Variants in CYP3A5 observed in about 807,000 individuals in gnomAD.
CYP3A5 encodes cytochrome P450 family 3 subfamily A member 5.
CYP3A5 carries 51 observed loss-of-function variants against 55.9 expected under a neutral mutation model. The observed-to-expected ratio is 0.91, with a 90% CI of 0.73 to 1.15. The LOEUF (loss-of-function observed/expected upper bound fraction) is 1.15, where lower values mean the gene tolerates loss of function less well. CYP3A5 is among the 50% of genes most tolerant of loss of function. The pLI, the probability that CYP3A5 is intolerant of heterozygous loss-of-function variation, is 0.00. For missense variants in CYP3A5, 533 were observed against 596.6 expected (o/e 0.89, Z 1.11); for synonymous variants, 196 against 213.9 (o/e 0.92, Z 0.73).
chr7:99,679,990 G>T lies in CYP3A5; in HGVS notation c.-94C>A. On this transcript the variant is annotated 5_prime_UTR_variant, in exon 1 of 13. Coordinates refer to ENST00000222982, the MANE Select transcript of CYP3A5 (RefSeq NM_000777.5). ...TGTTTGCCTGGAGCTTCCCTGCCCT[G>T]CACAGCAGTCTTCAGCCAAGCTGCT... 1.9e-6 allele frequency: 2 copies of T among 1,073,520 alleles called. No homozygotes were observed. The highest frequency in any genetic ancestry group is 2.9e-6 in the Non-Finnish European group (2 of 690,318). The allele number at this position is 1,073,520 out of a possible 1,614,324, so 66.5% of individuals were successfully genotyped here.
At chr7:99,674,417 T>C in intron 3 of CYP3A5, 116 bp downstream of exon 3, 1 of 694,496 alleles carries the variant, frequency 1.4e-6, no homozygotes, top group Non-Finnish European at 2.4e-6. Flanking sequence ...TCTCTCTGTT[T>C]GTATTTAGGT....
chr7:99,679,486 C>G (rs904683495), intron 1 of CYP3A5, among the ~76,000 whole-genome samples: 1 of 152,168 alleles, frequency 6.6e-6, no homozygotes, highest in Non-Finnish European at 1.5e-5. Context: ...GGATGAGGAT[C>G]ACACTGTCCA....
chr7:99,671,770 C>G (rs564600986), intron 4 of CYP3A5: 2 of 701,768 alleles, frequency 2.8e-6, no homozygotes, highest in African/African-American at 3.5e-5. Flanking sequence ...TGATATAGAA[C>G]CTGTCAGAGA....
chr7:99,658,352 G>T (rs1027702149), intron 10 of CYP3A5, among the ~76,000 whole-genome samples: 29 of 152,222 alleles, frequency 1.9e-4, no homozygotes, highest in African/African-American at 6.7e-4. Flanking sequence ...GCTTAGTTTG[G>T]CTGGAAATGA....
At position 99,662,304 on chromosome 7, in the gene CYP3A5, T is replaced by C. The variant is rs1810532610; in HGVS notation, c.865+512A>G. Among the ~76,000 whole-genome samples the C allele has an allele frequency of 6.6e-6, 1 of 152,182 alleles. No individual in the cohort carries two copies. The highest frequency in any genetic ancestry group is 1.5e-5 in the Non-Finnish European group (1 of 68,030). On this transcript the variant is annotated intron_variant, in intron 9 of 12. Transcript: ENST00000222982. This position sits in a 1 kb window ranked among gnomAD's most constrained non-coding sequence, Gnocchi z 4.3. ...AACCATCCATGGGTCATAAAACTAG[T>C]AGATACAAGACTGAAGATTGAAGTA...
intron 12 of CYP3A5, among the ~76,000 whole-genome samples, chr7:99,649,289 C>T (rs1808923118): frequency 6.6e-6 from 1 of 152,224 alleles, no homozygotes; most frequent in Non-Finnish European, 1.5e-5. Context: ...CCATCCTCCT[C>T]CTCTCCCAAG....
At chr7:99,655,077 G>C (rs918504392) in intron 10 of CYP3A5, among the ~76,000 whole-genome samples, 28 of 152,150 alleles carry the variant, frequency 1.8e-4, no homozygotes, top group African/African-American at 6.8e-4. Flanking sequence ...AAGCTCTTTA[G>C]TTTCATTAGA....
intron 4 of CYP3A5, among the ~76,000 whole-genome samples, chr7:99,672,112 C>T (rs1001644898): frequency 5.9e-5 from 9 of 151,980 alleles, no homozygotes; most frequent in African/African-American, 1.7e-4. Context: ...AGTATAATGG[C>T]GTGATCTCGG....
chr7:99,664,108 CAAAA>C lies in CYP3A5; in HGVS notation c.671-17_671-14del. On this transcript the variant is annotated splice_polypyrimidine_tract_variant and intron_variant, in intron 7 of 12. Coordinates refer to ENST00000222982, the MANE Select transcript of CYP3A5 (RefSeq NM_000777.5). ...AATGGAAAGAGTACTGTGGGAAAAACAAAACAAACAAAAGGAAATCATTGAAAAT... is the reference window on the plus strand; with the variant it reads ...AATGGAAAGAGTACTGTGGGAAAAACCAAACAAAAGGAAATCATTGAAAAT... 1.3e-6 allele frequency: 2 copies of C among 1,549,996 alleles called. No individual in the cohort carries two copies. Among genetic ancestry groups the C allele is most frequent in the Non-Finnish European group, 1.7e-6 (2 of 1,157,352 alleles).
intron 3 of CYP3A5, 63 bp from the exon 4 acceptor site, chr7:99,672,742 C>T (rs1198881661): frequency 6.2e-7 from 1 of 1,607,552 alleles, no homozygotes; most frequent in African/African-American, 1.3e-5. Flanking sequence ...GGAGCCACAC[C>T]CAGGAAGCCA....
In CYP3A5 at chr7:99,664,076, G is replaced by A; in HGVS notation, c.690C>T (p.Thr230=). The change falls in exon 8 of 13, where the codon ACC becomes ACT. Residue 230 remains threonine (T), a synonymous_variant. Transcript: ENST00000222982. ...FLSIILFPFL[T]PVFEALNVSL... ...AGACATTTAATGCTTCAAAAACTGG[G>A]GTAAGGAATGGAAAGAGTACTGTGG... 4.4e-6 allele frequency: 7 copies of A among 1,586,288 alleles called. No homozygotes were observed. Among genetic ancestry groups the A allele is most frequent in the South Asian group, 1.2e-5 (1 of 84,376 alleles).
Position 99,662,749 on chromosome 7 carries a change from A to G in CYP3A5, c.865+67T>C. The G allele has an allele frequency of 6.9e-7, 1 of 1,449,744 alleles. No homozygotes were observed. The highest frequency in any genetic ancestry group is 1.2e-5 in the South Asian group (1 of 86,772). 89.8% of individuals were successfully genotyped at this position (1,449,744 alleles called of 1,614,324 possible). On this transcript the variant is annotated intron_variant, in intron 9 of 12. Coordinates refer to ENST00000222982, the MANE Select transcript of CYP3A5 (RefSeq NM_000777.5). This position sits in a 1 kb window ranked among gnomAD's most constrained non-coding sequence, Gnocchi z 4.3. ...CATCTTCCTGGAATACTTCCTGCAC[A>G]TTTTCAGAACAAGGCCCTCCCTCTT...
intron 8 of CYP3A5, 143 bp from the exon 9 acceptor site, chr7:99,663,025 C>T: frequency 1.4e-6 from 2 of 1,411,228 alleles, no homozygotes; most frequent in Non-Finnish European, 1.9e-6. Flanking sequence ...ACCTGAGTCA[C>T]CAGTGAACAA....
chr7:99,657,073 T>A (rs569960999), intron 10 of CYP3A5, among the ~76,000 whole-genome samples: 1 of 152,336 alleles, frequency 6.6e-6, no homozygotes, highest in South Asian at 2.1e-4. Context: ...TTTTTGTGTC[T>A]CTGTTTCCTT....
Position 99,665,250 on chromosome 7 carries a change from G to C in CYP3A5, c.586C>G (p.Leu196Val). Residue 196 changes from leucine to valine, a missense_variant, in exon 7 of 13, where the codon CTC (leucine) becomes GTC (valine). Physicochemically the swap from Leu to Val is conservative, Grantham distance 32. Coordinates refer to ENST00000222982, the MANE Select transcript of CYP3A5 (RefSeq NM_000777.5). ...ACAAAGGGGTCTTGTGGATTGTTGA[G>C]AGAGTCGATGTTCACTCCAAATGAT... Reference protein sequence around the residue: ...GTSFGVNIDSLNNPQDPFVES... With the variant: ...GTSFGVNIDSVNNPQDPFVES... 1 of 1,614,160 alleles carries C rather than the reference G, an allele frequency of 6.2e-7. No individual in the cohort carries two copies. Among genetic ancestry groups the C allele is most frequent in the Non-Finnish European group, 8.5e-7 (1 of 1,180,014 alleles).
chr7:99,672,715 A>T (rs1312036412), intron 3 of CYP3A5, 36 bp from the exon 4 acceptor site: 1 of 1,612,206 alleles, frequency 6.2e-7, no homozygotes, highest in Non-Finnish European at 8.5e-7. Context: ...AAACTTCACT[A>T]GCCCGATTCT....
intron 11 of CYP3A5, 113 bp downstream of exon 11, chr7:99,652,440 A>G: frequency 1.3e-6 from 1 of 742,058 alleles, no homozygotes; most frequent in Admixed American, 2.9e-5. Context: ...TGATAAAAAG[A>G]CTTACAAGCA....
chr7:99,677,663 G>A (rs1812419513), intron 1 of CYP3A5, among the ~76,000 whole-genome samples: 1 of 152,242 alleles, frequency 6.6e-6, no homozygotes, highest in African/African-American at 2.4e-5. Context: ...GGGGCAGCAT[G>A]AGCAGGCCCA....
intron 10 of CYP3A5, among the ~76,000 whole-genome samples, chr7:99,654,940 G>A (rs1392487422): frequency 6.6e-6 from 1 of 152,056 alleles, no homozygotes; most frequent in African/African-American, 2.4e-5. Flanking sequence ...TTTTTTTCTT[G>A]TAAATTTGTT....
Sources: gnomAD v4.1 joint callset for allele counts (sites outside exome capture counted in the v4.1 genomes callset) on GRCh38, gnomAD v4.1.1 for gene constraint, Gnocchi (gnomAD v3.1) non-coding constraint, MANE v1.5 for transcripts, NCBI Gene and HGNC (gene_info 2026-07-23, HGNC 2026-07-21) for gene names.